The following IL1RAPL1 variants were observed in gnomAD, a reference collection of about 807,000 sequenced individuals.
IL1RAPL1 encodes the protein interleukin-1 receptor accessory protein-like 1.
IL1RAPL1 carries 3 observed loss-of-function variants against 48.4 expected under a neutral mutation model. The observed-to-expected ratio is 0.06, with a 90% confidence interval of 0.03 to 0.16. The LOEUF (loss-of-function observed/expected upper bound fraction) is 0.16. Among genes scored for constraint, IL1RAPL1 ranks in the 10% least tolerant of loss-of-function variants. The pLI, the probability that IL1RAPL1 is intolerant of heterozygous loss-of-function variation, is 1.00. For missense variants in IL1RAPL1, 349 were observed against 530.6 expected (o/e 0.66, Z 3.36); for synonymous variants, 185 against 187.7 (o/e 0.99, Z 0.12).
intron 3 of IL1RAPL1, among the ~76,000 whole-genome samples, chrX:29,322,915 A>G (rs929302129): frequency 3.6e-5 from 4 of 111,334 alleles, no homozygotes; most frequent in South Asian, 3.8e-4. Context: ...TCCCTATTCA[A>G]CCCTTCTCAA....
intron 6 of IL1RAPL1, among the ~76,000 whole-genome samples, chrX:29,761,148 T>C (rs1369691697): frequency 8.9e-6 from 1 of 112,202 alleles, no homozygotes; most frequent in Admixed American, 9.5e-5. Context: ...TGTTTCTTTA[T>C]GGTAAAATAT....
At chrX:29,823,495 G>A (rs766140278) in intron 6 of IL1RAPL1, among the ~76,000 whole-genome samples, 1 of 112,145 alleles carries the variant, frequency 8.9e-6, no homozygotes, top group African/African-American at 3.2e-5. Context: ...ACTTCTTGTT[G>A]AGAAGACTAG....
At chrX:29,070,561 A>G (rs1402114876) in intron 2 of IL1RAPL1, among the ~76,000 whole-genome samples, 1 of 111,248 alleles carries the variant, frequency 9.0e-6, no homozygotes, top group Non-Finnish European at 1.9e-5. Flanking sequence ...CCTGATTTCT[A>G]TCTCCCAGTG....
chrX:29,636,609 G>A (rs1924972192), intron 5 of IL1RAPL1, among the ~76,000 whole-genome samples: 1 of 111,984 alleles, frequency 8.9e-6, no homozygotes. Flanking sequence ...ATAAACTGGA[G>A]TTATCCCAGG....
intron 6 of IL1RAPL1, among the ~76,000 whole-genome samples, chrX:29,836,234 A>C (rs1245263154): frequency 1.0e-5 from 1 of 98,711 alleles, no homozygotes; most frequent in African/African-American, 4.1e-5. Context: ...CTTTGTCGCC[A>C]GGCTGGAGTG....
chrX:29,552,230 T>C (rs1921841168), intron 5 of IL1RAPL1, among the ~76,000 whole-genome samples: 1 of 111,834 alleles, frequency 8.9e-6, no homozygotes, highest in Admixed American at 9.5e-5. Context: ...GTCATTCTCC[T>C]GTGATTCCCC....
At chrX:28,809,827 A>G (rs1936772188) in intron 2 of IL1RAPL1, among the ~76,000 whole-genome samples, 1 of 108,863 alleles carries the variant, frequency 9.2e-6, no homozygotes, top group South Asian at 3.9e-4. Context: ...AGCTATTTAA[A>G]TCATCCTAGC....
intron 6 of IL1RAPL1, among the ~76,000 whole-genome samples, chrX:29,861,287 G>C (rs1931577536): frequency 9.0e-6 from 1 of 111,024 alleles, no homozygotes; most frequent in Non-Finnish European, 1.9e-5. Flanking sequence ...TCATCCATGG[G>C]AGCTTTTCAA....
At chrX:29,144,603 CAA>C (rs1235048808) in intron 2 of IL1RAPL1, among the ~76,000 whole-genome samples, 9 of 21,850 alleles carry the variant, frequency 4.1e-4, no homozygotes, top group African/African-American at 1.2e-3. Context: ...AACTCAGTCT[CAA>C]AAAAAAAAAA....
chrX:29,174,256 T>A (rs16988466), intron 2 of IL1RAPL1, among the ~76,000 whole-genome samples: 3,024 of 111,314 alleles, frequency 0.027, 117 homozygotes, highest in African/African-American at 0.094. Context: ...TGACAGTGTA[T>A]TGATATGAGA....
chrX:29,078,471 T>C (rs780790444), intron 2 of IL1RAPL1, among the ~76,000 whole-genome samples: 5 of 112,034 alleles, frequency 4.5e-5, no homozygotes, highest in Admixed American at 9.4e-5. Context: ...TTCAACCAGA[T>C]AAATTTGGTT....
intron 3 of IL1RAPL1, among the ~76,000 whole-genome samples, chrX:29,288,823 G>C (rs1932327635): frequency 8.9e-6 from 1 of 111,906 alleles, no homozygotes; most frequent in African/African-American, 3.2e-5. Context: ...GCCAGCATCT[G>C]TTGTTTCTTG....
chrX:28,727,098 G>A (rs1191681478), intron 1 of IL1RAPL1, among the ~76,000 whole-genome samples: 3 of 111,451 alleles, frequency 2.7e-5, no homozygotes, highest in Non-Finnish European at 5.7e-5. Context: ...GATGGGGATG[G>A]CATTGAATCT....
intron 1 of IL1RAPL1, among the ~76,000 whole-genome samples, chrX:28,661,485 A>G (rs183650559): frequency 2.8e-3 from 308 of 111,510 alleles, no homozygotes; most frequent in Middle Eastern, 9.7e-3. Context: ...TGGATCTCTG[A>G]GAGGGCTTAG....
chrX:29,335,294 G>T (rs867818628), intron 3 of IL1RAPL1, among the ~76,000 whole-genome samples: 6 of 1,474 alleles, frequency 4.1e-3, no homozygotes, highest in African/African-American at 6.5e-3. Flanking sequence ...GAGGGGAGAG[G>T]GGAGAGGGGA....
chrX:29,028,920 T>C (rs1307562476), intron 2 of IL1RAPL1, among the ~76,000 whole-genome samples: 1 of 110,884 alleles, frequency 9.0e-6, no homozygotes, highest in Non-Finnish European at 1.9e-5. Context: ...TCCATTCTCA[T>C]ACTGATATAA....
At chrX:29,555,849 G>T (rs1482678256) in intron 5 of IL1RAPL1, among the ~76,000 whole-genome samples, 1 of 111,968 alleles carries the variant, frequency 8.9e-6, no homozygotes, top group Non-Finnish European at 1.9e-5. Flanking sequence ...AAGAACACTG[G>T]GGAGGGGGGA....
chrX:29,405,816 A>G (rs1178389628), intron 5 of IL1RAPL1, among the ~76,000 whole-genome samples: 1 of 109,608 alleles, frequency 9.1e-6, no homozygotes, highest in Non-Finnish European at 1.9e-5. Context: ...TGAAAATTCC[A>G]TGACCATTAT....
chrX:28,935,570 G>A (rs1923996283), intron 2 of IL1RAPL1, among the ~76,000 whole-genome samples: 1 of 110,926 alleles, frequency 9.0e-6, no homozygotes, highest in African/African-American at 3.3e-5. Flanking sequence ...GAGTAGCTTT[G>A]GGCTTCCCTG....
Sources: allele counts gnomAD v4.1 joint callset (sites outside exome capture counted in the v4.1 genomes callset), GRCh38; gene constraint gnomAD v4.1.1; transcripts MANE v1.5; gene names NCBI Gene and HGNC (gene_info 2026-07-23, HGNC 2026-07-21).